The following RGS9 variants were observed in gnomAD, a reference collection of about 807,000 sequenced individuals.
RGS9 encodes the protein regulator of G-protein signalling 9.
RGS9 carries 78 observed loss-of-function variants against 102.0 expected under a neutral mutation model. That is an observed-to-expected ratio of 0.76 (90% confidence interval 0.64 to 0.92). The LOEUF (loss-of-function observed/expected upper bound fraction) is 0.92. Among genes scored for constraint, RGS9 ranks in the 40% least tolerant of loss-of-function variants. The probability of loss-of-function intolerance (pLI) is 0.00; values close to 1 mark genes in which losing one functional copy is unlikely to be tolerated. For missense variants in RGS9, 833 were observed against 866.1 expected (o/e 0.96, Z 0.48); for synonymous variants, 353 against 318.6 (o/e 1.11, Z -1.15).
intron 9 of RGS9, among the ~76,000 whole-genome samples, chr17:65,184,630 C>A (rs1036088366): frequency 6.6e-6 from 1 of 152,092 alleles, no homozygotes; most frequent in Admixed American, 6.5e-5. Context: ...AACCTTTGTC[C>A]GATCCCCAAA....
chr17:65,169,512 A>G (rs952267303), intron 8 of RGS9, among the ~76,000 whole-genome samples: 6 of 152,174 alleles, frequency 3.9e-5, no homozygotes, highest in Non-Finnish European at 7.4e-5. Flanking sequence ...TGGTGAGGAT[A>G]AGGAGACATG....
intron 13 of RGS9, among the ~76,000 whole-genome samples, chr17:65,199,776 G>A (rs1912751858): frequency 6.6e-6 from 1 of 152,112 alleles, no homozygotes; most frequent in African/African-American, 2.4e-5. Flanking sequence ...TTACAGGCGT[G>A]AGCCACTGCG....
intron 7 of RGS9, among the ~76,000 whole-genome samples, chr17:65,165,437 C>G (rs761297772): frequency 2.6e-5 from 4 of 152,114 alleles, no homozygotes; most frequent in Non-Finnish European, 5.9e-5. Context: ...AGGGTCTCAG[C>G]ACAAAACGTG....
intron 17 of RGS9, among the ~76,000 whole-genome samples, chr17:65,223,483 G>A (rs117579406): frequency 0.03 from 4,638 of 152,320 alleles, 88 homozygotes; most frequent in South Asian, 0.068. Context: ...GCTGTTCTTG[G>A]GTGCGCCTGC....
intron 1 of RGS9, 115 bp from the exon 2 acceptor site, chr17:65,153,307 G>T: frequency 1.1e-6 from 1 of 885,538 alleles, no homozygotes. Flanking sequence ...TACCAGATGG[G>T]GAACCCCTGT....
intron 11 of RGS9, among the ~76,000 whole-genome samples, chr17:65,190,580 G>C (rs77062324): frequency 0.035 from 5,366 of 152,252 alleles, 147 homozygotes; most frequent in African/African-American, 0.076. Flanking sequence ...TATCGTTACT[G>C]GTTCCAATTC....
chr17:65,199,488 CTTTTTTTT>C (rs3034101), intron 13 of RGS9, among the ~76,000 whole-genome samples: 16 of 108,332 alleles, frequency 1.5e-4, no homozygotes, highest in African/African-American at 3.9e-4. Context: ...GCTTCTGTTC[CTTTTTTTT>C]TTTTTTTTTT....
intron 17 of RGS9, among the ~76,000 whole-genome samples, chr17:65,223,896 A>G (rs1598012316): frequency 6.7e-6 from 1 of 149,754 alleles, no homozygotes; most frequent in Non-Finnish European, 1.5e-5. Flanking sequence ...GATTACAGGC[A>G]CCCACCACCA....
intron 9 of RGS9, among the ~76,000 whole-genome samples, chr17:65,185,039 C>G (rs1312037859): frequency 6.6e-6 from 1 of 152,048 alleles, no homozygotes; most frequent in Non-Finnish European, 1.5e-5. Context: ...CATACTCTTT[C>G]CTGAATCTCT....
At chr17:65,202,444 TGAGAGAGA>T (rs1555616144) in intron 14 of RGS9, among the ~76,000 whole-genome samples, 1 of 131,708 alleles carries the variant, frequency 7.6e-6, no homozygotes, top group African/African-American at 3.1e-5. Flanking sequence ...TGTGTGTGTG[TGAGAGAGA>T]GAGAGAGAGA....
chr17:65,167,390 C>CG (rs1911230017), intron 7 of RGS9, among the ~76,000 whole-genome samples: 2 of 152,044 alleles, frequency 1.3e-5, no homozygotes, highest in East Asian at 3.9e-4. Flanking sequence ...TTGGTAGAGA[C>CG]GGGGTTTCAC....
intron 2 of RGS9, 30 bp from the exon 3 acceptor site, chr17:65,158,265 C>T (rs201723689): frequency 5.0e-6 from 8 of 1,611,712 alleles, no homozygotes; most frequent in Non-Finnish European, 6.8e-6. Flanking sequence ...GAGGCTATGA[C>T]AATAACCGCA....
chr17:65,200,880 T>A, intron 13 of RGS9, among the ~76,000 whole-genome samples: 1 of 152,300 alleles, frequency 6.6e-6, no homozygotes, highest in Non-Finnish European at 1.5e-5. Flanking sequence ...ATCCATAAAA[T>A]ATATATGTAG....
Position 65,225,187 on chromosome 17 carries a change from G to A in RGS9, c.1593G>A (p.Glu531=), listed in dbSNP as rs1275495017. The A allele has an allele frequency of 6.2e-7, 1 of 1,613,426 alleles. No individual in the cohort carries two copies. Among genetic ancestry groups the A allele is most frequent in the Non-Finnish European group, 8.5e-7 (1 of 1,180,014 alleles). ...ICPSPIRVAL[E]SSSGLEQKGE... ...CCTCACCCATCAGAGTGGCCTTGGA[G>A]AGCTCATCGGGCTTGGAGCAGAAAG... is the stretch of plus-strand genomic sequence containing the variant. Residue 531 remains glutamate (E), a synonymous_variant, in exon 18 of 19, where the codon GAG becomes GAA. Transcript: ENST00000262406.
intron 1 of RGS9, among the ~76,000 whole-genome samples, chr17:65,140,651 G>C (rs746082565): frequency 6.6e-6 from 1 of 152,124 alleles, no homozygotes; most frequent in Non-Finnish European, 1.5e-5. Context: ...AAGGTAGGTG[G>C]ATCATCTGAG....
intron 1 of RGS9, among the ~76,000 whole-genome samples, chr17:65,141,846 A>T (rs1910169462): frequency 1.3e-5 from 2 of 152,222 alleles, no homozygotes; most frequent in African/African-American, 4.8e-5. Flanking sequence ...AGGCAATACA[A>T]AACAGGGACA....
chr17:65,188,851 G>A (rs1435619236), intron 9 of RGS9: 1 of 202,040 alleles, frequency 4.9e-6, no homozygotes, highest in Non-Finnish European at 1.0e-5. Context: ...CTGGGCTCAA[G>A]CGATCCTCCC....
chr17:65,147,834 G>C (rs901248297), intron 1 of RGS9, among the ~76,000 whole-genome samples: 1 of 151,846 alleles, frequency 6.6e-6, no homozygotes, highest in Admixed American at 6.6e-5. Context: ...CAAATGATCT[G>C]TCTGCCTTAC....
chr17:65,139,979 C>A (rs1342644840), intron 1 of RGS9, among the ~76,000 whole-genome samples: 1 of 152,220 alleles, frequency 6.6e-6, no homozygotes, highest in Non-Finnish European at 1.5e-5. Context: ...GTGCAACTGT[C>A]ACTCATCACT....
Sources: gnomAD v4.1 joint callset for allele counts (sites outside exome capture counted in the v4.1 genomes callset) on GRCh38, gnomAD v4.1.1 for gene constraint, MANE v1.5 for transcripts, NCBI Gene and HGNC (gene_info 2026-07-23, HGNC 2026-07-21) for gene names.